Variants in ELMO1 observed in about 807,000 individuals in gnomAD.
ELMO1 encodes the protein engulfment and cell motility 1.
Under a neutral mutation model 98.9 loss-of-function variants are expected in ELMO1, and 26 were observed. That is an observed-to-expected ratio of 0.26 (90% CI 0.19 to 0.36). The LOEUF (loss-of-function observed/expected upper bound fraction) is 0.36, where lower values mean the gene tolerates loss of function less well. Ranked by LOEUF, ELMO1 falls within the 10% of genes least tolerant of loss-of-function variation. The pLI is 1.00. For synonymous variants in ELMO1, 346 were observed against 346.0 expected (o/e 1.00, Z 0.00); for missense variants, 627 against 935.2 (o/e 0.67, Z 4.30).
chr7:36,993,250 C>T (rs1791988819), intron 16 of ELMO1, among the ~76,000 whole-genome samples: 1 of 152,156 alleles, frequency 6.6e-6, no homozygotes, highest in South Asian at 2.1e-4. Flanking sequence ...AATGAGTCAC[C>T]ATATGAAATT....
intron 7 of ELMO1, among the ~76,000 whole-genome samples, chr7:37,243,386 A>G (rs1164867696): frequency 6.6e-6 from 1 of 152,188 alleles, no homozygotes; most frequent in African/African-American, 2.4e-5. Context: ...TGGAGTAATG[A>G]GTGTAAACAT....
chr7:37,323,784 T>G (rs1357657108), intron 2 of ELMO1, among the ~76,000 whole-genome samples: 1 of 152,162 alleles, frequency 6.6e-6, no homozygotes, highest in African/African-American at 2.4e-5. Context: ...TACCACTAAT[T>G]TCTAAATCCA....
intron 16 of ELMO1, among the ~76,000 whole-genome samples, chr7:36,912,469 C>T (rs1279612785): frequency 2.6e-5 from 4 of 152,112 alleles, no homozygotes; most frequent in East Asian, 3.8e-4. Context: ...AGGAGAAAGA[C>T]AGGAGGGAGT....
chr7:37,447,644 C>T (rs1583783501), intron 1 of ELMO1, among the ~76,000 whole-genome samples: 1 of 151,056 alleles, frequency 6.6e-6, no homozygotes, highest in Non-Finnish European at 1.5e-5. Flanking sequence ...CAACACCCCC[C>T]CCACACACAC....
rs1227603705 is a variant in ELMO1, at chr7:37,273,379, G to A, written c.193-1497C>T. ...CACGAGATCTGATGGTTTTATAAGG[G>A]GCTCTTTCCCCTTTGCTTCTTTCAC... On this transcript the variant is annotated intron_variant, in intron 4 of 21. Coordinates refer to ENST00000310758, the MANE Select transcript of ELMO1 (RefSeq NM_014800.11). 2.6e-5 allele frequency among the ~76,000 whole-genome samples: 4 copies of A among 152,034 alleles called. No homozygotes were observed. In the East Asian group the frequency reaches 5.8e-4, roughly 22 times the overall value.
intron 15 of ELMO1, among the ~76,000 whole-genome samples, chr7:37,043,084 A>G (rs1795612274): frequency 1.3e-5 from 2 of 152,202 alleles, no homozygotes; most frequent in African/African-American, 2.4e-5. Flanking sequence ...GTGCCCTCAC[A>G]GTGTTCACTG....
intron 1 of ELMO1, among the ~76,000 whole-genome samples, chr7:37,441,298 C>T (rs1805406807): frequency 6.6e-6 from 1 of 151,942 alleles, no homozygotes; most frequent in African/African-American, 2.4e-5. Context: ...TTCTGGACTA[C>T]GACAGCAGCC....
At chr7:36,924,395 C>T (rs1324237537) in intron 16 of ELMO1, among the ~76,000 whole-genome samples, 1 of 152,132 alleles carries the variant, frequency 6.6e-6, no homozygotes, top group African/African-American at 2.4e-5. Context: ...GCTGGCAGAG[C>T]ATATCACCTT....
chr7:36,887,749 G>C, intron 17 of ELMO1, 77 bp from the exon 18 acceptor site: 1 of 1,283,218 alleles, frequency 7.8e-7, no homozygotes, highest in Non-Finnish European at 1.1e-6. Context: ...ATGGGCATAC[G>C]GGCAGGGGAG....
chr7:37,188,233 A>C (rs1165214624), intron 13 of ELMO1, among the ~76,000 whole-genome samples: 2 of 152,136 alleles, frequency 1.3e-5, no homozygotes, highest in Non-Finnish European at 1.5e-5. Context: ...GACCAAAACC[A>C]ATCAAGAAGA....
At chr7:37,358,793 C>G (rs906405567) in intron 1 of ELMO1, among the ~76,000 whole-genome samples, 1 of 152,110 alleles carries the variant, frequency 6.6e-6, no homozygotes, top group African/African-American at 2.4e-5. Flanking sequence ...TAAGCCCGGG[C>G]ACAAGCTGAC....
intron 15 of ELMO1, among the ~76,000 whole-genome samples, chr7:37,087,337 A>G (rs567859074): frequency 2.6e-5 from 4 of 152,320 alleles, no homozygotes; most frequent in African/African-American, 9.6e-5. Flanking sequence ...GTGAATAATA[A>G]TCAGCATCAT....
At chr7:37,225,260 T>TA (rs1255193394) in intron 8 of ELMO1, among the ~76,000 whole-genome samples, 1 of 152,200 alleles carries the variant, frequency 6.6e-6, no homozygotes, top group Admixed American at 6.5e-5. Context: ...GCAAATGTTT[T>TA]AAAAAAGACA....
chr7:36,899,590 G>A (rs1006814825), intron 16 of ELMO1, among the ~76,000 whole-genome samples: 3 of 150,780 alleles, frequency 2.0e-5, no homozygotes. Context: ...AACCCAACAC[G>A]TGATTTTGAA....
intron 15 of ELMO1, among the ~76,000 whole-genome samples, chr7:37,089,727 T>A (rs1783968603): frequency 6.6e-6 from 1 of 152,218 alleles, no homozygotes; most frequent in Non-Finnish European, 1.5e-5. Flanking sequence ...TTCAATTTGT[T>A]ATGGTTTTCT....
intron 13 of ELMO1, among the ~76,000 whole-genome samples, chr7:37,162,694 C>G (rs1455896991): frequency 6.6e-6 from 1 of 152,046 alleles, no homozygotes; most frequent in African/African-American, 2.4e-5. Context: ...TTACTCAACT[C>G]AATAATGAAG....
At chr7:37,441,011 T>A (rs895398295) in intron 1 of ELMO1, among the ~76,000 whole-genome samples, 2 of 151,594 alleles carry the variant, frequency 1.3e-5, no homozygotes, top group African/African-American at 4.9e-5. Flanking sequence ...AAAAAAAAAA[T>A]TATTTTGAAA....
At chr7:36,922,272 G>A (rs1785205665) in intron 16 of ELMO1, among the ~76,000 whole-genome samples, 1 of 139,612 alleles carries the variant, frequency 7.2e-6, no homozygotes, top group African/African-American at 2.7e-5. Flanking sequence ...AAAAGCTCAT[G>A]AACTTCTATT....
chr7:37,310,015 C>T (rs904923684), intron 4 of ELMO1, among the ~76,000 whole-genome samples: 1 of 152,184 alleles, frequency 6.6e-6, no homozygotes, highest in African/African-American at 2.4e-5. Context: ...ACAATTCTGG[C>T]TGCCAGGGAT....
Sources: allele counts gnomAD v4.1 joint callset (sites outside exome capture counted in the v4.1 genomes callset), GRCh38; gene constraint gnomAD v4.1.1; transcripts MANE v1.5; gene names NCBI Gene and HGNC (gene_info 2026-07-23, HGNC 2026-07-21).